Variants in RPAP2 observed in about 807,000 individuals in gnomAD.
RPAP2 encodes the protein RNA polymerase II associated protein 2.
RPAP2 carries 52 observed loss-of-function variants against 73.1 expected under a neutral mutation model. The ratio of observed to expected loss-of-function variants is 0.71; its 90% CI spans 0.57 to 0.90. RPAP2 has a LOEUF of 0.90. Ranked by LOEUF, RPAP2 falls within the 40% of genes least tolerant of loss-of-function variation. RPAP2 has a pLI of 0.00. For missense variants in RPAP2, 598 were observed against 701.8 expected, an observed-to-expected ratio of 0.85 and a Z score of 1.67; for synonymous variants, 225 against 242.1, an observed-to-expected ratio of 0.93 and a Z score of 0.65.
chr1:92,365,272 G>T (rs976814986), intron 11 of RPAP2, among the ~76,000 whole-genome samples: 1 of 152,170 alleles, frequency 6.6e-6, no homozygotes, highest in African/African-American at 2.4e-5. Flanking sequence ...TTCCAAAAGT[G>T]TAGTTAACAA....
At chr1:92,317,322 C>A (rs995286348) in intron 6 of RPAP2, among the ~76,000 whole-genome samples, 1 of 152,084 alleles carries the variant, frequency 6.6e-6, no homozygotes, top group Non-Finnish European at 1.5e-5. Flanking sequence ...GCCTGGCCAA[C>A]ATGGTGAAAC....
chr1:92,319,234 A>C (rs1253863105), intron 6 of RPAP2, among the ~76,000 whole-genome samples: 1 of 152,128 alleles, frequency 6.6e-6, no homozygotes, highest in African/African-American at 2.4e-5. Context: ...CAGCTTATAC[A>C]TCTCTCATGG....
At chr1:92,326,574 C>T (rs1041570289) in intron 8 of RPAP2, among the ~76,000 whole-genome samples, 5 of 152,070 alleles carry the variant, frequency 3.3e-5, no homozygotes, top group Admixed American at 2.0e-4. Flanking sequence ...AGGGAAGGAC[C>T]GTCATGGGGG....
intron 6 of RPAP2, among the ~76,000 whole-genome samples, chr1:92,311,834 T>C (rs1651611569): frequency 6.6e-6 from 1 of 152,230 alleles, no homozygotes; most frequent in African/African-American, 2.4e-5. Context: ...TAAAAAATAA[T>C]GTACATACCT....
chr1:92,340,818 CGTA>C (rs1232018005), intron 10 of RPAP2, among the ~76,000 whole-genome samples: 1 of 151,994 alleles, frequency 6.6e-6, no homozygotes, highest in Non-Finnish European at 1.5e-5. Flanking sequence ...GTTTACCTGT[CGTA>C]GTGTAAAGCA....
chr1:92,340,378 C>T (rs1426415633), intron 10 of RPAP2, among the ~76,000 whole-genome samples: 1 of 152,146 alleles, frequency 6.6e-6, no homozygotes, highest in Non-Finnish European at 1.5e-5. Context: ...CCAGGTGAAG[C>T]TTCTGGAAAA....
chr1:92,300,496 G>A (rs749519155), intron 2 of RPAP2, among the ~76,000 whole-genome samples: 23 of 152,112 alleles, frequency 1.5e-4, no homozygotes, highest in Admixed American at 3.9e-4. Context: ...GTTTTTCACC[G>A]CTTCAGGTAC....
At chr1:92,371,908 AC>A (rs34249079) in intron 11 of RPAP2, among the ~76,000 whole-genome samples, 1 of 150,362 alleles carries the variant, frequency 6.7e-6, no homozygotes, top group Non-Finnish European at 1.5e-5. Context: ...AAAAAAAAAA[AC>A]CAGAAAAAGC....
intron 11 of RPAP2, among the ~76,000 whole-genome samples, chr1:92,371,004 T>C (rs1655124843): frequency 6.6e-6 from 1 of 151,578 alleles, no homozygotes; most frequent in South Asian, 2.1e-4. Context: ...AATGTGGAGG[T>C]TCCTCAAGAA....
chr1:92,316,000 C>T (rs551951901), intron 6 of RPAP2, among the ~76,000 whole-genome samples: 1 of 152,318 alleles, frequency 6.6e-6, no homozygotes, highest in Admixed American at 6.5e-5. Flanking sequence ...ACAGTGTGCT[C>T]ACATAGGTAA....
At chr1:92,308,164 GACA>G (rs1245919940) in intron 6 of RPAP2, among the ~76,000 whole-genome samples, 6 of 152,010 alleles carry the variant, frequency 3.9e-5, no homozygotes, top group African/African-American at 1.2e-4. Context: ...CAATTATGCT[GACA>G]ACAGCACCTG....
chr1:92,382,394 C>A (rs1469802237), intron 12 of RPAP2, among the ~76,000 whole-genome samples: 23 of 152,098 alleles, frequency 1.5e-4, no homozygotes, highest in African/African-American at 2.6e-4. Context: ...CAACAGCGTA[C>A]AAGTGTTCCT....
At chr1:92,371,133 C>T (rs1345372421) in intron 11 of RPAP2, among the ~76,000 whole-genome samples, 1 of 151,786 alleles carries the variant, frequency 6.6e-6, no homozygotes, top group African/African-American at 2.4e-5. Context: ...GGTGAAACCC[C>T]GTCTCTACTA....
chr1:92,300,365 G>C, intron 2 of RPAP2, 126 bp downstream of exon 2: 5 of 700,084 alleles, frequency 7.1e-6, no homozygotes, highest in Non-Finnish European at 1.2e-5. Flanking sequence ...GGAAGGGAAA[G>C]ATCTGGGAAG....
At chr1:92,340,521 G>A (rs1653536219) in intron 10 of RPAP2, among the ~76,000 whole-genome samples, 1 of 152,178 alleles carries the variant, frequency 6.6e-6, no homozygotes, top group Non-Finnish European at 1.5e-5. Flanking sequence ...GTAGAACAGT[G>A]ATTCTCAAGC....
intron 11 of RPAP2, among the ~76,000 whole-genome samples, chr1:92,364,145 C>T: frequency 6.6e-6 from 1 of 152,048 alleles, no homozygotes; most frequent in Non-Finnish European, 1.5e-5. Context: ...ATTAAGTATC[C>T]AGATGAGGCT....
chr1:92,351,543 G>A (rs887215200), intron 11 of RPAP2, among the ~76,000 whole-genome samples: 2 of 151,980 alleles, frequency 1.3e-5, no homozygotes, highest in Non-Finnish European at 2.9e-5. Flanking sequence ...AGGACACATC[G>A]CTCAGCTTCT....
chr1:92,357,677 A>G (rs1429593447), intron 11 of RPAP2, among the ~76,000 whole-genome samples: 2 of 152,176 alleles, frequency 1.3e-5, no homozygotes, highest in Admixed American at 1.3e-4. Context: ...GACTATAGGC[A>G]TGCGCCACCA....
chr1:92,393,051 G>A lies in RPAP2; in HGVS notation c.*6040G>A, dbSNP rs1426557433. 6.6e-6 allele frequency: 1 copy of A among 152,170 alleles called. No homozygotes were observed. The highest frequency in any genetic ancestry group is 1.5e-5 in the Non-Finnish European group (1 of 68,036). The allele number at this position is 152,170 out of a possible 1,614,324, so 9.4% of individuals were successfully genotyped here. On this transcript the variant is annotated 3_prime_UTR_variant, in exon 13 of 13. Coordinates refer to ENST00000610020, the MANE Select transcript of RPAP2 (RefSeq NM_024813.3). ...AATCCTGGGCAAGAAGAACAAAGCT[G>A]GAGGCATCACACTACCTGACTTCAA... is the stretch of plus-strand genomic sequence containing the variant.
Sources: gnomAD v4.1 joint callset for allele counts (sites outside exome capture counted in the v4.1 genomes callset) on GRCh38, gnomAD v4.1.1 for gene constraint, MANE v1.5 for transcripts, NCBI Gene and HGNC (gene_info 2026-07-23, HGNC 2026-07-21) for gene names.